MED26: variants seen among roughly 807,000 people sequenced by gnomAD.
MED26 encodes mediator complex subunit 26, also known as mediator of RNA polymerase II transcription subunit 26.
Under a neutral mutation model 43.7 loss-of-function variants are expected in MED26, and 7 were observed. The observed-to-expected ratio is 0.16, with a 90% CI of 0.09 to 0.30. The LOEUF (loss-of-function observed/expected upper bound fraction) is 0.30, where lower values mean the gene tolerates loss of function less well. Among genes scored for constraint, MED26 ranks in the 10% least tolerant of loss-of-function variants. The probability of loss-of-function intolerance (pLI) is 1.00; values close to 1 mark genes in which losing one functional copy is unlikely to be tolerated. For missense variants in MED26, 784 were observed against 840.6 expected (o/e 0.93, Z 0.83); for synonymous variants, 375 against 371.1 (o/e 1.01, Z -0.12).
chr19:16,623,545 G>A (rs750224817), intron 1 of MED26, among the ~76,000 whole-genome samples: 1 of 152,180 alleles, frequency 6.6e-6, no homozygotes, highest in Non-Finnish European at 1.5e-5. Flanking sequence ...TTGCCACACC[G>A]TGGTCTGGCC....
chr19:16,577,708 TA>T lies in MED26; in HGVS notation c.148-27del. On this transcript the variant is annotated intron_variant, in intron 2 of 2. Coordinates refer to ENST00000263390, the MANE Select transcript of MED26 (RefSeq NM_004831.5). This position sits in a 1 kb window ranked among gnomAD's most constrained non-coding sequence, Gnocchi z 8.1. ...CTACAACCAGAGGGAGATGATGACA[TA>T]CTTTCGGGACAGGAACTTCTCCATG... 6.5e-7 allele frequency: 1 copy of T among 1,527,378 alleles called. No homozygotes were observed. The highest frequency in any genetic ancestry group is 8.8e-7 in the Non-Finnish European group (1 of 1,130,846). The allele number at this position is 1,527,378 out of a possible 1,614,324, so 94.6% of individuals were successfully genotyped here.
chr19:16,581,109 A>T (rs775154360), intron 1 of MED26, among the ~76,000 whole-genome samples: 38 of 152,264 alleles, frequency 2.5e-4, no homozygotes, highest in Non-Finnish European at 7.4e-5. Flanking sequence ...CTCTGGGTGT[A>T]AAGTTGCAGA....
intron 1 of MED26, among the ~76,000 whole-genome samples, chr19:16,626,651 G>C (rs1568293350): frequency 6.6e-6 from 1 of 152,150 alleles, no homozygotes; most frequent in South Asian, 2.1e-4. Context: ...ATTGCTAAGA[G>C]TAATCAGCCA....
At chr19:16,592,779 G>A (rs946478199) in intron 1 of MED26, among the ~76,000 whole-genome samples, 2 of 152,170 alleles carry the variant, frequency 1.3e-5, no homozygotes, top group Non-Finnish European at 2.9e-5. Context: ...GGGCTGGACC[G>A]ATGACCAGTT....
chr19:16,608,508 A>G (rs1014545324), intron 1 of MED26, among the ~76,000 whole-genome samples: 1 of 152,248 alleles, frequency 6.6e-6, no homozygotes, highest in African/African-American at 2.4e-5. Flanking sequence ...TCCACCACAG[A>G]AATCAGTAAA....
At chr19:16,596,580 C>T (rs1438051752) in intron 1 of MED26, among the ~76,000 whole-genome samples, 1 of 152,216 alleles carries the variant, frequency 6.6e-6, no homozygotes, top group African/African-American at 2.4e-5. Flanking sequence ...TGTGTCAATG[C>T]CATTGTTGCT....
In MED26 at chr19:16,587,777, C is replaced by G. The variant is rs1188784773; in HGVS notation, c.73-9368G>C. On this transcript the variant is annotated intron_variant, in intron 1 of 2. Transcript: ENST00000263390. This position sits in a 1 kb window ranked among gnomAD's most constrained non-coding sequence, Gnocchi z 4.9. Reference sequence around the variant, plus strand: ...TATGCAATTGCATGCTACAACTCAGCCCGGGGGACGGGAAATGCCACCTGA... The same window carrying G: ...TATGCAATTGCATGCTACAACTCAGGCCGGGGGACGGGAAATGCCACCTGA... 1 of 152,346 alleles carries G rather than the reference C, an allele frequency of 6.6e-6. No individual in the cohort carries two copies. Among genetic ancestry groups the G allele is most frequent in the Non-Finnish European group, 1.5e-5 (1 of 68,114 alleles). 9.4% of individuals were successfully genotyped at this position (152,346 alleles called of 1,614,324 possible).
rs756611495 is a variant in MED26 at position 16,577,101 on chromosome 19, C to T, written c.729G>A (p.Leu243=). Residue 243 remains leucine (L), a synonymous_variant, in exon 3 of 3, where the codon TTG becomes TTA. Transcript: ENST00000263390. The surrounding 1 kb of genome is among the most constrained non-coding windows in gnomAD (Gnocchi z 8.1). ...GCTGCAGCACCGAAGCCTTTGGCTG[C>T]AAGCAGGGTCCAGGGGGCTTGCCCA... is the stretch of plus-strand genomic sequence containing the variant. ...PGLGKPPGPC[L]QPKASVLQQL... The T allele has an allele frequency of 1.2e-6, 2 of 1,610,024 alleles. No individual in the cohort carries two copies. Among genetic ancestry groups the T allele is most frequent in the East Asian group, 2.2e-5 (1 of 44,774 alleles).
At chr19:16,580,258 T>G (rs1376279164) in intron 1 of MED26, among the ~76,000 whole-genome samples, 1 of 152,192 alleles carries the variant, frequency 6.6e-6, no homozygotes, top group Non-Finnish European at 1.5e-5. Flanking sequence ...AGCACACATT[T>G]ATCATCTTAG....
intron 1 of MED26, among the ~76,000 whole-genome samples, chr19:16,605,365 C>T (rs1291194584): frequency 6.6e-6 from 1 of 152,176 alleles, no homozygotes; most frequent in Non-Finnish European, 1.5e-5. Flanking sequence ...GTTTGAGACA[C>T]CAGTGTGGGC....
chr19:16,592,141 CCAAT>C (rs1348212708), intron 1 of MED26, among the ~76,000 whole-genome samples: 1 of 152,224 alleles, frequency 6.6e-6, no homozygotes, highest in Non-Finnish European at 1.5e-5. Flanking sequence ...CTGTGGCCAG[CCAAT>C]CAGAGGCTCC....
At chr19:16,580,685 TTACAC>T (rs1404005172) in intron 1 of MED26, among the ~76,000 whole-genome samples, 1 of 152,120 alleles carries the variant, frequency 6.6e-6, no homozygotes, top group Non-Finnish European at 1.5e-5. Flanking sequence ...GTTCAGCTCT[TTACAC>T]TACAGGAATG....
At chr19:16,592,063 G>A (rs1254767181) in intron 1 of MED26, among the ~76,000 whole-genome samples, 2 of 152,198 alleles carry the variant, frequency 1.3e-5, no homozygotes, top group African/African-American at 4.8e-5. Context: ...GGGATGATGG[G>A]CAGAGGCACC....
chr19:16,619,040 A>AAGCTCCTGCCACC, intron 1 of MED26, among the ~76,000 whole-genome samples: 1 of 152,330 alleles, frequency 6.6e-6, no homozygotes, highest in Non-Finnish European at 1.5e-5. Context: ...CTTTGTGTCT[A>AAGCTCCTGCCACC]AGCTCCTGCC....
At chr19:16,622,577 T>C (rs1344939333) in intron 1 of MED26, among the ~76,000 whole-genome samples, 1 of 152,216 alleles carries the variant, frequency 6.6e-6, no homozygotes, top group African/African-American at 2.4e-5. Context: ...GAAAAGCGGC[T>C]GTTTTGGAAG....
At position 16,576,239 on chromosome 19, in the gene MED26, G is replaced by A; in HGVS notation, c.1591C>T (p.Leu531=). The A allele has an allele frequency of 6.2e-7, 1 of 1,611,230 alleles. No individual in the cohort carries two copies. The highest frequency in any genetic ancestry group is 8.5e-7 in the Non-Finnish European group (1 of 1,180,006). Reference sequence around the variant, plus strand: ...TCCGTGGGCGGGCTTTGAGGCACCAGCACATGCAGCTGCCTGGCCCCTTGC... The same window carrying A: ...TCCGTGGGCGGGCTTTGAGGCACCAACACATGCAGCTGCCTGGCCCCTTGC... ...TRQGARQLHV[L]VPQSPPTDLP... is the part of the protein sequence containing the mutation. Residue 531 remains leucine (L), a synonymous_variant, in exon 3 of 3, where the codon CTG becomes TTG. Coordinates refer to ENST00000263390, the MANE Select transcript of MED26 (RefSeq NM_004831.5). The surrounding 1 kb of genome is among the most constrained non-coding windows in gnomAD (Gnocchi z 6.8).
Position 16,577,715 on chromosome 19 carries a change from G to T in MED26, c.148-33C>A. 1 of 1,514,402 alleles carries T rather than the reference G, an allele frequency of 6.6e-7. No individual in the cohort carries two copies. The allele number at this position is 1,514,402 out of a possible 1,614,324, so 93.8% of individuals were successfully genotyped here. A position where few individuals can be genotyped will look rare whatever the true frequency, so the allele number is the denominator to read the frequency against. On this transcript the variant is annotated intron_variant, in intron 2 of 2. Transcript: ENST00000263390. This position sits in a 1 kb window ranked among gnomAD's most constrained non-coding sequence, Gnocchi z 8.1. ...CAGAGGGAGATGATGACATACTTTC[G>T]GGACAGGAACTTCTCCATGAGCTGA...
chr19:16,590,049 C>T (rs774452693), intron 1 of MED26, among the ~76,000 whole-genome samples: 12 of 152,226 alleles, frequency 7.9e-5, no homozygotes, highest in Admixed American at 3.9e-4. Context: ...ACTCTCCTGC[C>T]CTGGATGGGA....
chr19:16,591,077 AAATAAAT>A (rs949801194), intron 1 of MED26, among the ~76,000 whole-genome samples: 6 of 139,938 alleles, frequency 4.3e-5, no homozygotes, highest in Admixed American at 1.4e-4. Flanking sequence ...ATAAATAAAT[AAATAAAT>A]AAATAAATAA....
Sources: gnomAD v4.1 joint callset for allele counts (sites outside exome capture counted in the v4.1 genomes callset) on GRCh38, gnomAD v4.1.1 for gene constraint, Gnocchi (gnomAD v3.1) non-coding constraint, MANE v1.5 for transcripts, NCBI Gene and HGNC (gene_info 2026-07-23, HGNC 2026-07-21) for gene names.